The following CNKSR3 variants were observed in gnomAD, a reference collection of about 807,000 sequenced individuals.
CNKSR3 encodes connector enhancer of kinase suppressor of ras 3.
CNKSR3 carries 36 observed loss-of-function variants against 67.7 expected under a neutral mutation model. The observed-to-expected ratio is 0.53, with a 90% CI of 0.41 to 0.70. The LOEUF (loss-of-function observed/expected upper bound fraction) is 0.70. Among genes scored for constraint, CNKSR3 ranks in the 30% least tolerant of loss-of-function variants. CNKSR3 has a pLI of 0.00. For missense variants in CNKSR3, 630 were observed against 695.2 expected, an observed-to-expected ratio of 0.91 and a Z score of 1.05; for synonymous variants, 281 against 271.4, an observed-to-expected ratio of 1.04 and a Z score of -0.35.
intron 9 of CNKSR3, among the ~76,000 whole-genome samples, chr6:154,419,032 C>T (rs1197620931): frequency 3.3e-5 from 4 of 122,152 alleles, no homozygotes; most frequent in Non-Finnish European, 3.3e-5. Context: ...TACTCTCTTG[C>T]TTTTTTTTTT....
At chr6:154,414,158 T>A (rs754307050) in intron 10 of CNKSR3, 141 bp downstream of exon 10, 1 of 832,398 alleles carries the variant, frequency 1.2e-6, no homozygotes, top group African/African-American at 1.7e-5. Flanking sequence ...AGGCTGATCA[T>A]ACTTTTAACG....
Position 154,406,053 on chromosome 6 carries a change from C to A in CNKSR3, c.*301G>T, listed in dbSNP as rs1784780414. ...CAGTCCCTCACAATGACCATAACGT[C>A]TCTGGCCAGGACTGCGATTTCTAGC... On this transcript the variant is annotated 3_prime_UTR_variant, in exon 13 of 13. Transcript: ENST00000607772. 6.1e-6 allele frequency: 2 copies of A among 327,130 alleles called. No individual in the cohort carries two copies. 20.3% of individuals were successfully genotyped at this position (327,130 alleles called of 1,614,324 possible). A position where few individuals can be genotyped will look rare whatever the true frequency, so the allele number is the denominator to read the frequency against.
At chr6:154,433,382 A>T (rs1785408138) in intron 5 of CNKSR3, 84 bp downstream of exon 5, 3 of 912,078 alleles carry the variant, frequency 3.3e-6, no homozygotes, top group Non-Finnish European at 5.3e-6. Context: ...TCCTGAAGTA[A>T]TTAGCCACAG....
At chr6:154,420,826 T>G (rs922327741) in intron 9 of CNKSR3, among the ~76,000 whole-genome samples, 1 of 152,176 alleles carries the variant, frequency 6.6e-6, no homozygotes, top group African/African-American at 2.4e-5. Flanking sequence ...ATTAATGAGC[T>G]TGATTTAGCC....
intron 12 of CNKSR3, among the ~76,000 whole-genome samples, chr6:154,407,069 C>T (rs1164362548): frequency 2.6e-5 from 4 of 152,188 alleles, no homozygotes; most frequent in Non-Finnish European, 5.9e-5. Context: ...TACTGCTCTC[C>T]TCCCTGGATT....
intron 1 of CNKSR3, among the ~76,000 whole-genome samples, chr6:154,464,898 T>C (rs1786161252): frequency 6.6e-6 from 1 of 151,278 alleles, no homozygotes; most frequent in African/African-American, 2.4e-5. Context: ...TCCCAGCACT[T>C]TGGGAAGCCA....
intron 3 of CNKSR3, 90 bp downstream of exon 3, chr6:154,441,998 G>A: frequency 8.3e-7 from 1 of 1,198,986 alleles, no homozygotes; most frequent in East Asian, 2.5e-5. Context: ...AAAGAACAAT[G>A]GTTCCTTTTC....
chr6:154,452,503 T>C (rs1386951412), intron 1 of CNKSR3, among the ~76,000 whole-genome samples: 2 of 152,196 alleles, frequency 1.3e-5, no homozygotes, highest in African/African-American at 2.4e-5. Context: ...GTTCTAAGCC[T>C]GATCATGATT....
chr6:154,447,026 G>A (rs1018302829), intron 2 of CNKSR3, among the ~76,000 whole-genome samples: 12 of 151,980 alleles, frequency 7.9e-5, no homozygotes, highest in African/African-American at 1.9e-4. Context: ...GGATGGTCTC[G>A]ATATCCTGAC....
chr6:154,509,760 G>A (rs1787176414), intron 1 of CNKSR3, among the ~76,000 whole-genome samples: 1 of 152,204 alleles, frequency 6.6e-6, no homozygotes, highest in South Asian at 2.1e-4. Flanking sequence ...CCCCCGGCCC[G>A]AGTGCCGAGT....
chr6:154,437,081 T>C (rs1469715171), intron 4 of CNKSR3, among the ~76,000 whole-genome samples: 1 of 152,064 alleles, frequency 6.6e-6, no homozygotes, highest in East Asian at 1.9e-4. Context: ...CAAGCAAATG[T>C]CTCTTCACAG....
chr6:154,464,182 A>G (rs1271702088), intron 1 of CNKSR3, among the ~76,000 whole-genome samples: 1 of 152,172 alleles, frequency 6.6e-6, no homozygotes, highest in Non-Finnish European at 1.5e-5. Context: ...TGATATACAG[A>G]AAACCAGATC....
At chr6:154,470,191 T>G (rs1316048226) in intron 1 of CNKSR3, among the ~76,000 whole-genome samples, 2 of 40,554 alleles carry the variant, frequency 4.9e-5, no homozygotes, top group Non-Finnish European at 8.2e-5. Flanking sequence ...TTCTTTCCTT[T>G]TTTTTTTTTT....
At chr6:154,450,301 C>G in intron 1 of CNKSR3, 43 bp from the exon 2 acceptor site, 1 of 1,597,964 alleles carries the variant, frequency 6.3e-7, no homozygotes, top group South Asian at 1.1e-5. Flanking sequence ...CATTTTGTTC[C>G]TTTACCCACC....
rs35873703 is a variant in CNKSR3, at chr6:154,415,228, A to ATTTTTTTT, written c.946-813_946-806dup. Among the ~76,000 whole-genome samples the ATTTTTTTT allele has an allele frequency of 4.8e-3, 569 of 118,078 alleles. 25 individuals carry two copies. The highest frequency in any genetic ancestry group is 0.02 in the East Asian group (62 of 3,066). 77.5% of individuals were successfully genotyped at this position (118,078 alleles called of 152,430 possible). ...TCCTGGCTAGACTTACTAGCTGCCC[A>ATTTTTTTT]TTTTTTTTTTTTTTTTTTTTAAGAT... On this transcript the variant is annotated intron_variant, in intron 9 of 12. Coordinates refer to ENST00000607772, the MANE Select transcript of CNKSR3 (RefSeq NM_173515.4).
intron 1 of CNKSR3, among the ~76,000 whole-genome samples, chr6:154,502,721 G>C (rs55701953): frequency 1.3e-5 from 2 of 152,200 alleles, no homozygotes; most frequent in South Asian, 2.1e-4. Flanking sequence ...AGTCAAATGA[G>C]AACAAATGCA....
chr6:154,478,684 C>G (rs1786503328), intron 1 of CNKSR3, among the ~76,000 whole-genome samples: 1 of 152,188 alleles, frequency 6.6e-6, no homozygotes, highest in African/African-American at 2.4e-5. Context: ...CAAACAAATG[C>G]CTTTTTATTT....
chr6:154,507,574 G>GTA (rs145940587), intron 1 of CNKSR3, among the ~76,000 whole-genome samples: 1,884 of 152,310 alleles, frequency 0.012, 50 homozygotes, highest in African/African-American at 0.043. Flanking sequence ...AAATATTCAA[G>GTA]TAATGGGTCA....
intron 1 of CNKSR3, among the ~76,000 whole-genome samples, chr6:154,451,491 ACAC>A (rs1449754082): frequency 1.0e-3 from 14 of 13,958 alleles, no homozygotes; most frequent in East Asian, 0.016. Flanking sequence ...ACACACGCAC[ACAC>A]GCATACATGC....
Sources: gnomAD v4.1 joint callset for allele counts (sites outside exome capture counted in the v4.1 genomes callset) on GRCh38, gnomAD v4.1.1 for gene constraint, MANE v1.5 for transcripts, NCBI Gene and HGNC (gene_info 2026-07-23, HGNC 2026-07-21) for gene names.